TOP2B: variants seen among roughly 807,000 people sequenced by gnomAD.
The protein encoded by TOP2B is DNA topoisomerase II beta.
Under a neutral mutation model 193.5 loss-of-function variants are expected in TOP2B, and 51 were observed. The observed-to-expected ratio is 0.26, with a 90% CI of 0.21 to 0.33. The LOEUF is 0.33. Ranked by LOEUF, TOP2B falls within the 10% of genes least tolerant of loss-of-function variation. The pLI is 1.00. For synonymous variants in TOP2B, 634 were observed against 635.7 expected (o/e 1.00, Z 0.04); for missense variants, 1,378 against 1,909.3 (o/e 0.72, Z 5.19).
intron 31 of TOP2B, among the ~76,000 whole-genome samples, chr3:25,606,517 A>T (rs1357925776): frequency 6.6e-6 from 1 of 152,096 alleles, no homozygotes; most frequent in Non-Finnish European, 1.5e-5. Context: ...ATGGACAAAA[A>T]CCCAAGGAAA....
chr3:25,607,967 T>C (rs1237155448), intron 30 of TOP2B, among the ~76,000 whole-genome samples: 1 of 152,166 alleles, frequency 6.6e-6, no homozygotes, highest in Non-Finnish European at 1.5e-5. Context: ...AAAATTGTTT[T>C]AGACACAGGG....
intron 15 of TOP2B, among the ~76,000 whole-genome samples, chr3:25,628,353 T>C (rs1050323782): frequency 1.5e-5 from 2 of 137,124 alleles, no homozygotes; most frequent in African/African-American, 5.8e-5. Context: ...CACACACCTG[T>C]AGTCCCAGCT....
At chr3:25,598,813 A>G (rs530723734) in intron 35 of TOP2B, among the ~76,000 whole-genome samples, 29 of 152,310 alleles carry the variant, frequency 1.9e-4, no homozygotes, top group Admixed American at 3.3e-4. Context: ...TGGTAAGTAC[A>G]TATCAAGAAT....
intron 6 of TOP2B, 30 bp downstream of exon 6, chr3:25,637,185 A>G: frequency 6.7e-7 from 1 of 1,490,396 alleles, no homozygotes; most frequent in East Asian, 2.5e-5. Flanking sequence ...CGTTATTTTA[A>G]AAAAAGAAAT....
chr3:25,623,195 GA>G (rs1702707070), intron 21 of TOP2B, among the ~76,000 whole-genome samples: 1 of 152,178 alleles, frequency 6.6e-6, no homozygotes, highest in African/African-American at 2.4e-5. Flanking sequence ...GGTAGTTTGA[GA>G]ACAGAAACAA....
intron 1 of TOP2B, among the ~76,000 whole-genome samples, chr3:25,658,012 G>C (rs1392994189): frequency 1.7e-5 from 2 of 115,970 alleles, no homozygotes; most frequent in Admixed American, 9.2e-5. Flanking sequence ...AGTGAGCCGA[G>C]ATCCCGCCAC....
In TOP2B at chr3:25,606,963, T is replaced by C. The variant is rs572472574; in HGVS notation, c.4298+208A>G. Among the ~76,000 whole-genome samples, 3 of 152,326 alleles carry C rather than the reference T, an allele frequency of 2.0e-5. No homozygotes were observed. The East Asian group carries it at 5.8e-4, about 29-fold the overall frequency. Reference sequence around the variant, plus strand: ...CCCACGAAGCCTAAAACATTTACTATTGAGCCCTTTATGGAAAAAGTTTGC... The same window carrying C: ...CCCACGAAGCCTAAAACATTTACTACTGAGCCCTTTATGGAAAAAGTTTGC... On this transcript the variant is annotated intron_variant, in intron 31 of 35. Transcript: ENST00000264331.
At chr3:25,632,968 T>G (rs978931274) in intron 8 of TOP2B, among the ~76,000 whole-genome samples, 174 bp from the exon 9 acceptor site, 1 of 151,122 alleles carries the variant, frequency 6.6e-6, no homozygotes, top group Non-Finnish European at 1.5e-5. Flanking sequence ...AACCGCTGTG[T>G]TTTTTTTGTT....
At chr3:25,611,296 C>T (rs1702363271) in intron 28 of TOP2B, among the ~76,000 whole-genome samples, 1 of 152,166 alleles carries the variant, frequency 6.6e-6, no homozygotes, top group Non-Finnish European at 1.5e-5. Flanking sequence ...GCAAGAGTAT[C>T]TGGGTAAATG....
chr3:25,598,429 G>A lies in TOP2B; in HGVS notation c.4759C>T (p.Pro1587Ser). 1.2e-6 allele frequency: 2 copies of A among 1,612,748 alleles called. No individual in the cohort carries two copies. Among genetic ancestry groups the A allele is most frequent in the Non-Finnish European group, 1.7e-6 (2 of 1,179,242 alleles). The change falls in exon 36 of 36, where the codon CCC becomes TCC. Residue 1587 changes from proline (P) to serine (S), a missense_variant. By Grantham distance (74) the Pro-to-Ser change is moderately conservative (BLOSUM62 -1). Around this residue, in one of 9 missense-constraint regions of TOP2B, gnomAD observed 556 missense variants for 584.2 expected, o/e 0.95. Coordinates refer to ENST00000264331, the MANE Select transcript of TOP2B (RefSeq NM_001330700.2). ...FDQDSDVDIF[P>S]SDFPTEPPSL... The stretch of plus-strand genomic sequence containing the variant: ...GGTGGCTCAGTAGGGAAGTCTGAGG[G>A]GAAGATGTCCACATCTGAATCCTGA...
At chr3:25,635,258 C>G (rs1575578152) in intron 7 of TOP2B, among the ~76,000 whole-genome samples, 1 of 152,072 alleles carries the variant, frequency 6.6e-6, no homozygotes, top group Non-Finnish European at 1.5e-5. Context: ...TAAATATAAC[C>G]TAAGTCCCAC....
In TOP2B at chr3:25,642,405, A is replaced by G. The variant is rs985846802; in HGVS notation, c.332-20T>C. 6 of 1,477,474 alleles carry G rather than the reference A, an allele frequency of 4.1e-6. No individual in the cohort carries two copies. The African/African-American group carries it at 5.6e-5, about 14-fold the overall frequency. 91.5% of individuals were successfully genotyped at this position (1,477,474 alleles called of 1,614,324 possible). ...CATTAACTACAAAATTAAACACCTCAATGAGTAATATACAAAATTATATAA... is the reference window on the plus strand; with the variant it reads ...CATTAACTACAAAATTAAACACCTCGATGAGTAATATACAAAATTATATAA... On this transcript the variant is annotated intron_variant, in intron 3 of 35. Coordinates refer to ENST00000264331, the MANE Select transcript of TOP2B (RefSeq NM_001330700.2).
chr3:25,640,903 C>T (rs1185222017), intron 4 of TOP2B, among the ~76,000 whole-genome samples: 3 of 151,896 alleles, frequency 2.0e-5, no homozygotes, highest in Non-Finnish European at 4.4e-5. Context: ...ACTACAAGCA[C>T]ATGCCGCCAC....
intron 28 of TOP2B, 92 bp from the exon 29 acceptor site, chr3:25,609,804 T>C: frequency 3.1e-6 from 4 of 1,282,978 alleles, no homozygotes; most frequent in Non-Finnish European, 4.1e-6. Flanking sequence ...CGCCTTCAAA[T>C]CAGGTAAATT....
At chr3:25,633,225 T>C (rs1198301254) in intron 8 of TOP2B, among the ~76,000 whole-genome samples, 8 of 152,144 alleles carry the variant, frequency 5.3e-5, no homozygotes, top group Non-Finnish European at 7.4e-5. Context: ...AACGAACCTA[T>C]GACCCACTCC....
At position 25,618,807 on chromosome 3, in the gene TOP2B, C is replaced by G; in HGVS notation, c.3106G>C (p.Val1036Leu). ...AAGAATTCTTTCAGAATGTCTTGCA[C>G]AGTTTCATATTTCTTCAGACATCCC... The part of the protein sequence containing the change: ...HMGCLKKYET[V>L]QDILKEFFDL... Residue 1036 changes from valine to leucine, a missense_variant, in exon 24 of 36, where the codon GTG becomes CTG. Val to Leu is a conservative substitution (Grantham distance 32). This residue lies in a region of TOP2B where 379 missense variants were observed against 615.1 expected (regional missense o/e 0.62). Coordinates refer to ENST00000264331, the MANE Select transcript of TOP2B (RefSeq NM_001330700.2). 1 of 1,610,066 alleles carries G rather than the reference C, an allele frequency of 6.2e-7. No homozygotes were observed. The highest frequency in any genetic ancestry group is 1.3e-5 in the African/African-American group (1 of 74,968).
intron 3 of TOP2B, among the ~76,000 whole-genome samples, chr3:25,642,972 T>C (rs1236676402): frequency 3.3e-5 from 5 of 152,246 alleles, no homozygotes; most frequent in Admixed American, 2.0e-4. Context: ...TGACAAACAC[T>C]TGCAATAAAC....
At position 25,664,406 on chromosome 3, in the gene TOP2B, C is replaced by T; in HGVS notation, c.-109G>A. 7.7e-7 allele frequency: 1 copy of T among 1,297,608 alleles called. No homozygotes were observed. The highest frequency in any genetic ancestry group is 9.7e-7 in the Non-Finnish European group (1 of 1,030,106). The allele number at this position is 1,297,608 out of a possible 1,614,324, so 80.4% of individuals were successfully genotyped here. ...ACCCACCGCTCCACTCGCCGCACTC[C>T]TAGCCGCGCCGACCCCCGCGCCCCA... On this transcript the variant is annotated 5_prime_UTR_variant, in exon 1 of 36. The change abolishes the stop of an existing upstream ORF in the 5' untranslated region. Transcript: ENST00000264331.
intron 33 of TOP2B, among the ~76,000 whole-genome samples, chr3:25,602,016 G>A (rs565188203): frequency 2.5e-4 from 38 of 152,254 alleles, no homozygotes; most frequent in African/African-American, 8.7e-4. Flanking sequence ...TCCTAGATAA[G>A]TAGACAATTG....
Sources: gnomAD v4.1 joint callset for allele counts (sites outside exome capture counted in the v4.1 genomes callset) on GRCh38, gnomAD v4.1.1 for gene constraint, gnomAD v4.1.1 regional missense constraint, MANE v1.5 for transcripts, NCBI Gene and HGNC (gene_info 2026-07-23, HGNC 2026-07-21) for gene names.